Variants in MLST8 observed in about 807,000 individuals in gnomAD.
MLST8 encodes target of rapamycin complex subunit LST8.
In MLST8, 20 loss-of-function variants were observed where a neutral mutation model predicts 41.3. That is an observed-to-expected ratio of 0.48 (90% CI 0.34 to 0.70). The LOEUF is 0.70. Ranked by LOEUF, MLST8 falls within the 30% of genes least tolerant of loss-of-function variation. MLST8 has a pLI of 0.01. For synonymous variants in MLST8, 243 were observed against 183.0 expected (o/e 1.33, Z -2.65); for missense variants, 422 against 454.3 (o/e 0.93, Z 0.65).
chr16:2,205,687 C>G (rs2141353000), intron 1 of MLST8, 175 bp downstream of exon 1: 2 of 992,372 alleles, frequency 2.0e-6, no homozygotes, highest in Non-Finnish European at 2.4e-6. Flanking sequence ...GCCTGCTACG[C>G]ATGCGCAGCC....
At chr16:2,207,160 C>CT (rs755372927) in intron 5 of MLST8, 33 bp from the exon 6 acceptor site, 1 of 1,613,248 alleles carries the variant, frequency 6.2e-7, no homozygotes, top group Non-Finnish European at 8.5e-7. Context: ...GAGGGCTGGG[C>CT]TTGGGCCCTG....
chr16:2,207,920 T>TA (rs1352281288), intron 6 of MLST8: 1 of 343,726 alleles, frequency 2.9e-6, no homozygotes, highest in East Asian at 5.3e-5. Context: ...GCTGTCTCTC[T>TA]AGCTGGTGCC....
intron 6 of MLST8, 69 bp downstream of exon 6, chr16:2,207,414 T>C: frequency 6.4e-7 from 1 of 1,563,862 alleles, no homozygotes; most frequent in Non-Finnish European, 8.7e-7. Context: ...GCAGGTGGGC[T>C]TATTCCTGGA....
At position 2,206,119 on chromosome 16, in the gene MLST8, C is replaced by G. The variant is rs1429704781; in HGVS notation, c.34C>G (p.Pro12Ala). 1 of 1,609,502 alleles carries G rather than the reference C, an allele frequency of 6.2e-7. No homozygotes were observed. Among genetic ancestry groups the G allele is most frequent in the African/African-American group, 1.3e-5 (1 of 74,880 alleles). The change falls in exon 2 of 9, where the codon CCG (proline) becomes GCG (alanine). Residue 12 changes from proline to alanine, a missense_variant. By Grantham distance (27) the Pro-to-Ala change is conservative. Coordinates refer to ENST00000569417, the MANE Select transcript of MLST8 (RefSeq NM_022372.6). ...CTCCCCAGGCACGGTGGGCAGTGAC[C>G]CGGTCATCCTGGCCACTGCAGGCTA... ...NTSPGTVGSD[P>A]VILATAGYDH...
In MLST8 at chr16:2,208,543, C is replaced by A; in HGVS notation, c.792C>A (p.Asn264Lys). Residue 264 changes from asparagine (N) to lysine (K), a missense_variant, in exon 8 of 9, where the codon AAC (asparagine) becomes AAA (lysine). Coordinates refer to ENST00000569417, the MANE Select transcript of MLST8 (RefSeq NM_022372.6). ...LMTELSIKSG[N>K]PGESSRGWMW... The stretch of plus-strand genomic sequence containing the variant: ...CGGAGCTGAGCATCAAGAGCGGCAA[C>A]CCCGGGGAGTCCTCCCGCGGCTGGA... The A allele has an allele frequency of 6.2e-7, 1 of 1,612,904 alleles. No homozygotes were observed. Among genetic ancestry groups the A allele is most frequent in the Non-Finnish European group, 8.5e-7 (1 of 1,179,790 alleles).
In MLST8 at chr16:2,207,362, G is replaced by A. The variant is rs998849610; in HGVS notation, c.573+17G>A. ...AATAGCACCGTGAGTCCTGGTGGCA[G>A]GTGCTGGGTGCGGGCAGCTTGGCAC... On this transcript the variant is annotated intron_variant, in intron 6 of 8. Coordinates refer to ENST00000569417, the MANE Select transcript of MLST8 (RefSeq NM_022372.6). The A allele has an allele frequency of 1.2e-6, 2 of 1,611,512 alleles. No individual in the cohort carries two copies. Among genetic ancestry groups the A allele is most frequent in the East Asian group, 2.2e-5 (1 of 44,804 alleles).
At position 2,209,243 on chromosome 16, in the gene MLST8, C is replaced by T. The variant is rs1163796991; in HGVS notation, c.*366C>T. On this transcript the variant is annotated 3_prime_UTR_variant, in exon 9 of 9. Transcript: ENST00000569417. Reference sequence around the variant, plus strand: ...CAGGGCCTCGGTCCATAGAGAACACCACCACCATGGCCAGGTGGAAGGGTT... The same window carrying T: ...CAGGGCCTCGGTCCATAGAGAACACTACCACCATGGCCAGGTGGAAGGGTT... 2.1e-6 allele frequency: 2 copies of T among 967,094 alleles called. No individual in the cohort carries two copies. The highest frequency in any genetic ancestry group is 2.6e-5 in the East Asian group (1 of 39,092). The allele number at this position is 967,094 out of a possible 1,614,324, so 59.9% of individuals were successfully genotyped here.
Position 2,208,832 on chromosome 16 carries a change from G to A in MLST8, c.936G>A (p.Gln312=). Residue 312 remains glutamine (Q), a synonymous_variant, in exon 9 of 9, where the codon CAG becomes CAA. Transcript: ENST00000569417. ...GEIKREYGGH[Q]KAVVCLAFND... is the part of the protein sequence containing the mutation. ...TCAAGAGAGAGTATGGCGGCCACCA[G>A]AAGGCTGTTGTCTGCCTGGCCTTCA... The A allele has an allele frequency of 6.2e-7, 1 of 1,613,798 alleles. No homozygotes were observed. The highest frequency in any genetic ancestry group is 8.5e-7 in the Non-Finnish European group (1 of 1,179,932).
intron 5 of MLST8, 25 bp from the exon 6 acceptor site, chr16:2,207,168 C>T (rs751067672): frequency 1.9e-6 from 3 of 1,613,334 alleles, no homozygotes; most frequent in Non-Finnish European, 8.5e-7. Context: ...GGCTTGGGCC[C>T]TGCCTCACCA....
Position 2,205,805 on chromosome 16 carries a change from G to T in MLST8, c.-55-226G>T, listed in dbSNP as rs765621751. ...CTCCCCCCTGCCGGCTGCGGAGGTGGGGGGGGGACGGCGCCCCCGCCGTGT... is the reference window on the plus strand; with the variant it reads ...CTCCCCCCTGCCGGCTGCGGAGGTGTGGGGGGGACGGCGCCCCCGCCGTGT... On this transcript the variant is annotated intron_variant, in intron 1 of 8. Coordinates refer to ENST00000569417, the MANE Select transcript of MLST8 (RefSeq NM_022372.6). 5.2e-5 allele frequency: 52 copies of T among 993,306 alleles called. No individual in the cohort carries two copies. In the Admixed American group the frequency reaches 2.0e-3, roughly 38 times the overall value. 61.5% of individuals were successfully genotyped at this position (993,306 alleles called of 1,614,324 possible).
chr16:2,207,458 C>T (rs2093314766), intron 6 of MLST8, 113 bp downstream of exon 6: 1 of 1,359,762 alleles, frequency 7.4e-7, no homozygotes, highest in African/African-American at 1.4e-5. Flanking sequence ...CTTTCCCCAT[C>T]CCGGGCACTA....
chr16:2,208,591 G>A lies in MLST8; in HGVS notation c.840G>A (p.Gly280=), dbSNP rs2093343926. Residue 280 remains glycine (G), a synonymous_variant, in exon 8 of 9, where the codon GGG becomes GGA. Transcript: ENST00000569417. The part of the protein sequence containing the change: ...RGWMWGCAFS[G]DSQYIVTASS... ...GGATGTGGGGCTGCGCCTTCTCGGGGGACTCCCAGTACATCGTCACTGGTG... is the reference window on the plus strand; with the variant it reads ...GGATGTGGGGCTGCGCCTTCTCGGGAGACTCCCAGTACATCGTCACTGGTG... 6 of 1,612,460 alleles carry A rather than the reference G, an allele frequency of 3.7e-6. No homozygotes were observed. The East Asian group carries it at 1.3e-4, about 36-fold the overall frequency.
At chr16:2,207,524 C>T in intron 6 of MLST8, 179 bp downstream of exon 6, 11 of 715,858 alleles carry the variant, frequency 1.5e-5, no homozygotes, top group South Asian at 7.5e-5. Context: ...ATGGCTTAGT[C>T]CTGTCTGCAG....
rs778322582 is a variant in MLST8 at position 2,209,412 on chromosome 16, A to G, written c.*535A>G. ...ACCGACACGCAGATGTTGCTCGGGA[A>G]GCAGATGTCGATGCAGAGATAAATC... is the stretch of plus-strand genomic sequence containing the variant. On this transcript the variant is annotated 3_prime_UTR_variant, in exon 9 of 9. Transcript: ENST00000569417. The G allele has an allele frequency of 4.3e-6, 7 of 1,613,830 alleles. No homozygotes were observed. Among genetic ancestry groups the G allele is most frequent in the Non-Finnish European group, 5.9e-6 (7 of 1,179,974 alleles).
chr16:2,207,107 C>G lies in MLST8; in HGVS notation c.417C>G (p.Asn139Lys). 1 of 1,613,616 alleles carries G rather than the reference C, an allele frequency of 6.2e-7. No individual in the cohort carries two copies. The highest frequency in any genetic ancestry group is 8.5e-7 in the Non-Finnish European group (1 of 1,179,724). ...APINCVCLHPNQAELIVGDQS... is the reference protein window; with the variant it reads ...APINCVCLHPKQAELIVGDQS... ...TTAACTGCGTGTGCCTGCACCCCAACCAGGTGAGGGGTGCTCATGGGGCCA... is the reference window on the plus strand; with the variant it reads ...TTAACTGCGTGTGCCTGCACCCCAAGCAGGTGAGGGGTGCTCATGGGGCCA... Residue 139 changes from asparagine to lysine, a missense_variant, in exon 5 of 9, where the codon AAC (asparagine) becomes AAG (lysine). By Grantham distance (94) the Asn-to-Lys change is moderately conservative (BLOSUM62 0). Transcript: ENST00000569417.
In MLST8 at chr16:2,209,358, G is replaced by A. The variant is rs745438857; in HGVS notation, c.*481G>A. On this transcript the variant is annotated 3_prime_UTR_variant, in exon 9 of 9. Transcript: ENST00000569417. ...GACGGGCCAGGCTGGGCCAGGTCGG[G>A]GGCTCAGTCTGGGAGGTAATAAAAG... The A allele has an allele frequency of 2.5e-6, 4 of 1,609,010 alleles. No individual in the cohort carries two copies. The highest frequency in any genetic ancestry group is 2.6e-6 in the Non-Finnish European group (3 of 1,176,238).
intron 1 of MLST8, 148 bp downstream of exon 1, chr16:2,205,660 A>T: frequency 1.0e-6 from 1 of 987,540 alleles, no homozygotes; most frequent in Non-Finnish European, 1.2e-6. Flanking sequence ...GCCCTTTCCC[A>T]TCAGGGCCTG....
At chr16:2,207,420 C>T (rs2093313634) in intron 6 of MLST8, 75 bp downstream of exon 6, 4 of 1,545,244 alleles carry the variant, frequency 2.6e-6, no homozygotes, top group South Asian at 1.2e-5. Flanking sequence ...GGGCTTATTC[C>T]TGGATGTCCC....
intron 4 of MLST8, 57 bp from the exon 5 acceptor site, chr16:2,206,978 C>G: frequency 6.2e-7 from 1 of 1,601,686 alleles, no homozygotes. Context: ...CCGAGGCCAT[C>G]TGGGTAGGGC....
Sources: gnomAD v4.1 joint callset for allele counts on GRCh38, gnomAD v4.1.1 for gene constraint, MANE v1.5 for transcripts, NCBI Gene and HGNC (gene_info 2026-07-23, HGNC 2026-07-21) for gene names.